Variants in RANBP2 observed in about 807,000 individuals in gnomAD.
RANBP2 encodes RAN binding protein 2.
A neutral mutation model predicts 303.6 loss-of-function variants in RANBP2; 57 were observed. That is an observed-to-expected ratio of 0.19 (90% confidence interval 0.15 to 0.23). The LOEUF is 0.23. Ranked by LOEUF, RANBP2 falls within the 10% of genes least tolerant of loss-of-function variation. The pLI is 1.00. For synonymous variants in RANBP2, 1,167 were observed against 1,301.5 expected (o/e 0.90, Z 2.23); for missense variants, 3,138 against 3,780.8 (o/e 0.83, Z 4.46).
chr2:109,368,708 T>TA, the RANBP2 span, among the ~76,000 whole-genome samples: 6,840 of 136,744 alleles, frequency 0.05, 330 homozygotes, highest in African/African-American at 0.13. Context: ...GTATTTTCTT[T>TA]AAAAAAAAAA....
the RANBP2 span, among the ~76,000 whole-genome samples, chr2:109,553,727 G>A: frequency 1.8e-4 from 27 of 151,712 alleles, no homozygotes; most frequent in Non-Finnish European, 3.4e-4. Context: ...GGTGGCGTGC[G>A]CCTGTAGTCC....
the RANBP2 span, among the ~76,000 whole-genome samples, chr2:109,312,576 T>G: frequency 1.4e-5 from 2 of 147,548 alleles, no homozygotes; most frequent in Admixed American, 7.0e-5. Flanking sequence ...CTGCTTTCTT[T>G]CTCTGTGAAT....
the RANBP2 span, among the ~76,000 whole-genome samples, chr2:108,947,942 C>G: frequency 1.3e-5 from 2 of 152,202 alleles, no homozygotes; most frequent in African/African-American, 4.8e-5. Context: ...AGTTAGGTTG[C>G]AAATTTTCCA....
At chr2:109,741,253 T>C in the RANBP2 span, among the ~76,000 whole-genome samples, 2 of 148,986 alleles carry the variant, frequency 1.3e-5, no homozygotes, top group Non-Finnish European at 3.0e-5. Flanking sequence ...GTGTTAACAT[T>C]TGGAAATCAG....
At chr2:108,840,084 T>A in the RANBP2 span, among the ~76,000 whole-genome samples, 2 of 152,156 alleles carry the variant, frequency 1.3e-5, no homozygotes, top group South Asian at 2.1e-4. Context: ...TTGAATTTTT[T>A]TAGATACTTT....
the RANBP2 span, among the ~76,000 whole-genome samples, chr2:109,408,533 C>A: frequency 2.7e-3 from 410 of 152,334 alleles, 6 homozygotes; most frequent in East Asian, 0.02. Context: ...CACGCCCAGG[C>A]CGGGTTCGCT....
intron 7 of RANBP2, among the ~76,000 whole-genome samples, chr2:108,745,085 G>T (rs1696408145): frequency 1.3e-5 from 2 of 150,526 alleles, no homozygotes; most frequent in African/African-American, 4.9e-5. Flanking sequence ...TTAAAACCAG[G>T]GTCCTAAAAC....
chr2:109,496,063 T>G, the RANBP2 span, among the ~76,000 whole-genome samples: 1 of 152,194 alleles, frequency 6.6e-6, no homozygotes, highest in African/African-American at 2.4e-5. Flanking sequence ...CGGGTTGCCC[T>G]GGGGTGGCCA....
chr2:109,004,811 T>C, the RANBP2 span, among the ~76,000 whole-genome samples: 1 of 152,186 alleles, frequency 6.6e-6, no homozygotes, highest in Non-Finnish European at 1.5e-5. Flanking sequence ...AAATCAGAAA[T>C]ATCTAAAACA....
chr2:109,229,496 C>T, the RANBP2 span, among the ~76,000 whole-genome samples: 26 of 152,068 alleles, frequency 1.7e-4, no homozygotes, highest in Admixed American at 1.4e-3. Flanking sequence ...GGGGTGGTCA[C>T]GGCAGGTGGA....
At chr2:109,689,838 G>A in the RANBP2 span, among the ~76,000 whole-genome samples, 3 of 152,020 alleles carry the variant, frequency 2.0e-5, no homozygotes, top group Non-Finnish European at 4.4e-5. Flanking sequence ...ATTGCCAAGT[G>A]TCTCTGAACA....
the RANBP2 span, among the ~76,000 whole-genome samples, chr2:109,521,566 C>T: frequency 6.6e-6 from 1 of 152,214 alleles, no homozygotes; most frequent in South Asian, 2.1e-4. Context: ...AGTGCATGCT[C>T]GCGGTCCCGA....
chr2:109,455,341 A>G, the RANBP2 span, among the ~76,000 whole-genome samples: 1 of 152,140 alleles, frequency 6.6e-6, no homozygotes, highest in Non-Finnish European at 1.5e-5. Context: ...ACAATGAATC[A>G]CTTACCAGTC....
chr2:108,730,647 A>G, intron 2 of RANBP2, 127 bp from the exon 3 acceptor site: 1 of 1,304,560 alleles, frequency 7.7e-7, no homozygotes, highest in Non-Finnish European at 1.1e-6. Flanking sequence ...CTGTATGAAT[A>G]GCGGTAGTTT....
the RANBP2 span, among the ~76,000 whole-genome samples, chr2:109,761,435 C>T: frequency 6.7e-6 from 1 of 149,958 alleles, no homozygotes. Context: ...ACTCCTCCTC[C>T]CCACCCCACC....
At chr2:108,967,548 A>G in the RANBP2 span, among the ~76,000 whole-genome samples, 1 of 152,108 alleles carries the variant, frequency 6.6e-6, no homozygotes, top group African/African-American at 2.4e-5. Context: ...GTGCACAACA[A>G]GTGACTTCCT....
the RANBP2 span, among the ~76,000 whole-genome samples, chr2:108,891,414 G>C: frequency 6.6e-6 from 1 of 152,212 alleles, no homozygotes. Flanking sequence ...TGTAGTCTCT[G>C]TATGATTTTT....
chr2:109,400,161 C>T, the RANBP2 span, among the ~76,000 whole-genome samples: 1 of 152,164 alleles, frequency 6.6e-6, no homozygotes, highest in Non-Finnish European at 1.5e-5. Flanking sequence ...TGGAGAAGGG[C>T]CATGTAATCT....
the RANBP2 span, among the ~76,000 whole-genome samples, chr2:109,116,548 GT>G: frequency 1.3e-5 from 2 of 152,140 alleles, no homozygotes; most frequent in African/African-American, 4.8e-5. Context: ...TTTTTTCAAA[GT>G]TTTCAACTTC....
Sources: allele counts gnomAD v4.1 joint callset (sites outside exome capture counted in the v4.1 genomes callset), GRCh38; gene constraint gnomAD v4.1.1; transcripts MANE v1.5; gene names NCBI Gene and HGNC (gene_info 2026-07-23, HGNC 2026-07-21).